Variants in PTGER4 observed in about 807,000 individuals in gnomAD.
The protein encoded by PTGER4 is prostaglandin E2 receptor EP4 subtype.
A neutral mutation model predicts 33.2 loss-of-function variants in PTGER4; 11 were observed. The ratio of observed to expected loss-of-function variants is 0.33; its 90% CI spans 0.21 to 0.55. The LOEUF is 0.55. Ranked by LOEUF, PTGER4 falls within the 20% of genes least tolerant of loss-of-function variation. PTGER4 has a pLI of 0.92. For synonymous variants in PTGER4, 275 were observed against 281.5 expected (o/e 0.98, Z 0.23); for missense variants, 481 against 650.2 (o/e 0.74, Z 2.83).
chr5:40,746,657 C>T, the PTGER4 span: 1 of 659,014 alleles, frequency 1.5e-6, no homozygotes, highest in South Asian at 2.5e-5. Flanking sequence ...CTTTGAAACA[C>T]CTTATTTCTT....
chr5:40,683,821 A>T lies in PTGER4; in HGVS notation c.867+1961A>T, dbSNP rs1741255697. ...TTTGAGGACCTAGAGGCAAGAAATT[A>T]TAGGAGCTGTATTTGTGGTTTGCAG... is the stretch of plus-strand genomic sequence containing the variant. On this transcript the variant is annotated intron_variant, in intron 2 of 2. Transcript: ENST00000302472. This position sits in a 1 kb window ranked among gnomAD's most constrained non-coding sequence, Gnocchi z 4.2. Among the ~76,000 whole-genome samples the T allele has an allele frequency of 1.3e-5, 2 of 152,222 alleles. No individual in the cohort carries two copies. The highest frequency in any genetic ancestry group is 2.9e-5 in the Non-Finnish European group (2 of 68,040).
the PTGER4 span, among the ~76,000 whole-genome samples, chr5:40,706,647 A>C: frequency 6.6e-6 from 1 of 152,140 alleles, no homozygotes; most frequent in African/African-American, 2.4e-5. Flanking sequence ...ATTTGGGAGT[A>C]AGGACAGGTT....
At chr5:40,730,492 T>C in the PTGER4 span, 2 of 566,422 alleles carry the variant, frequency 3.5e-6, no homozygotes, top group Admixed American at 6.1e-5. Context: ...ATTAAGTACA[T>C]ATAGTTCATT....
the PTGER4 span, chr5:40,728,505 G>A: frequency 1.3e-6 from 2 of 1,568,628 alleles, no homozygotes; most frequent in Non-Finnish European, 1.7e-6. Context: ...CAAAAAATCT[G>A]TCAGTAATAT....
the PTGER4 span, among the ~76,000 whole-genome samples, chr5:40,719,611 G>C: frequency 6.6e-6 from 1 of 152,062 alleles, no homozygotes; most frequent in Admixed American, 6.5e-5. Flanking sequence ...TCATTTTTTT[G>C]AGGAGCTGCC....
the PTGER4 span, among the ~76,000 whole-genome samples, chr5:40,698,756 G>A: frequency 6.6e-6 from 1 of 152,180 alleles, no homozygotes; most frequent in African/African-American, 2.4e-5. Context: ...ATTTTGAAAA[G>A]TGGTAAGAAG....
At chr5:40,704,066 A>C in the PTGER4 span, among the ~76,000 whole-genome samples, 1 of 152,098 alleles carries the variant, frequency 6.6e-6, no homozygotes, top group African/African-American at 2.4e-5. Flanking sequence ...ATCCTTGATG[A>C]ACATTAATGC....
intron 2 of PTGER4, among the ~76,000 whole-genome samples, chr5:40,687,407 T>C (rs1318347896): frequency 6.6e-6 from 1 of 152,190 alleles, no homozygotes; most frequent in African/African-American, 2.4e-5. Context: ...CACTGAAAAC[T>C]GCCTGAACTT....
the PTGER4 span, among the ~76,000 whole-genome samples, chr5:40,740,293 T>C: frequency 6.6e-6 from 1 of 151,664 alleles, no homozygotes; most frequent in Non-Finnish European, 1.5e-5. Context: ...ATTTTCCTTC[T>C]ATGTAAAGAA....
the PTGER4 span, chr5:40,716,413 A>G: frequency 6.2e-7 from 1 of 1,613,752 alleles, no homozygotes; most frequent in South Asian, 1.1e-5. Flanking sequence ...CTGCTCCTGG[A>G]GCGTTCTTGC....
chr5:40,730,725 C>G, the PTGER4 span, among the ~76,000 whole-genome samples: 6 of 152,022 alleles, frequency 3.9e-5, no homozygotes, highest in Non-Finnish European at 7.4e-5. Context: ...TGTAAAAATC[C>G]AAAATAAAGG....
Position 40,692,357 on chromosome 5 carries a change from C to T in PTGER4, c.1446C>T (p.Asn482=). Residue 482 remains asparagine, a synonymous_variant, in exon 3 of 3, where the codon AAC becomes AAT. Transcript: ENST00000302472. ...LQVTFPSETL[N]LSEKCI The stretch of plus-strand genomic sequence containing the variant: ...TCACATTTCCCAGTGAAACACTGAA[C>T]TTATCAGAAAAATGTATATAATAGG... 6.3e-7 allele frequency: 1 copy of T among 1,596,514 alleles called. No individual in the cohort carries two copies.
the PTGER4 span, among the ~76,000 whole-genome samples, chr5:40,718,900 A>G: frequency 6.6e-6 from 1 of 152,082 alleles, no homozygotes; most frequent in Admixed American, 6.6e-5. Flanking sequence ...GACTGTCTCA[A>G]AATAAATAAA....
the PTGER4 span, among the ~76,000 whole-genome samples, chr5:40,737,085 C>T: frequency 1.3e-5 from 2 of 152,068 alleles, no homozygotes; most frequent in African/African-American, 4.8e-5. Flanking sequence ...CGCCTGAGCC[C>T]AGGAGTTCAA....
Position 40,693,462 on chromosome 5 carries a change from C to T in PTGER4, c.*1084C>T. ...TTTATTTTGAGATGTAAAAAGATTC[C>T]CAAACGTGGTTACATTAGCCATTCA... On this transcript the variant is annotated 3_prime_UTR_variant, in exon 3 of 3. Transcript: ENST00000302472. The T allele has an allele frequency of 1.0e-6, 1 of 985,888 alleles. No individual in the cohort carries two copies. Among genetic ancestry groups the T allele is most frequent in the Non-Finnish European group, 1.2e-6 (1 of 829,918 alleles). The allele number at this position is 985,888 out of a possible 1,614,324, so 61.1% of individuals were successfully genotyped here. A position where few individuals can be genotyped will look rare whatever the true frequency, so the allele number is the denominator to read the frequency against.
At chr5:40,723,798 G>GAGGTTAC in the PTGER4 span, among the ~76,000 whole-genome samples, 24 of 152,150 alleles carry the variant, frequency 1.6e-4, no homozygotes, top group South Asian at 1.7e-3. Context: ...CCGGGAGGCA[G>GAGGTTAC]AGGTTACAGT....
the PTGER4 span, among the ~76,000 whole-genome samples, chr5:40,737,918 A>G: frequency 2.0e-5 from 3 of 152,310 alleles, no homozygotes; most frequent in African/African-American, 7.2e-5. Flanking sequence ...AGAGAATACT[A>G]TTGTATGGAT....
the PTGER4 span, among the ~76,000 whole-genome samples, chr5:40,722,136 C>T: frequency 2.6e-5 from 4 of 151,560 alleles, no homozygotes; most frequent in African/African-American, 4.8e-5. Context: ...ACCCGGGAGG[C>T]GGAGGTTGCA....
chr5:40,681,902 C>A lies in PTGER4; in HGVS notation c.867+42C>A. 1.4e-6 allele frequency: 2 copies of A among 1,477,086 alleles called. No individual in the cohort carries two copies. 91.5% of individuals were successfully genotyped at this position (1,477,086 alleles called of 1,614,324 possible). ...GGGGCCCTACTCGGCCTTTTTCTCG[C>A]ATCCACCTCCCGCGTCCATTCCCCG... On this transcript the variant is annotated intron_variant, in intron 2 of 2. Transcript: ENST00000302472. The surrounding 1 kb of genome is among the most constrained non-coding windows in gnomAD (Gnocchi z 9.8).
Sources: gnomAD v4.1 joint callset for allele counts (sites outside exome capture counted in the v4.1 genomes callset) on GRCh38, gnomAD v4.1.1 for gene constraint, Gnocchi (gnomAD v3.1) non-coding constraint, MANE v1.5 for transcripts, NCBI Gene and HGNC (gene_info 2026-07-23, HGNC 2026-07-21) for gene names.